DPP6: variants seen among roughly 807,000 people sequenced by gnomAD.
The protein encoded by DPP6 is A-type potassium channel modulatory protein DPP6.
A neutral mutation model predicts 122.6 loss-of-function variants in DPP6; 69 were observed. The ratio of observed to expected loss-of-function variants is 0.56; its 90% confidence interval spans 0.46 to 0.69. The LOEUF is 0.69. DPP6 is among the 30% of genes least tolerant of loss of function. DPP6 has a pLI of 0.00. For synonymous variants in DPP6, 418 were observed against 433.1 expected (o/e 0.97, Z 0.43); for missense variants, 928 against 1,116.9 (o/e 0.83, Z 2.41).
chr7:154,534,884 T>C (rs963898218), intron 3 of DPP6, among the ~76,000 whole-genome samples: 1 of 152,070 alleles, frequency 6.6e-6, no homozygotes, highest in African/African-American at 2.4e-5. Flanking sequence ...TATATTGAAA[T>C]ACAAAGGACC....
chr7:153,910,234 C>CTTTTTTCTTTTTTTTTTTTTTTTTTTTTT (rs750065238), intron 1 of DPP6, among the ~76,000 whole-genome samples: 1 of 137,750 alleles, frequency 7.3e-6, no homozygotes, highest in Non-Finnish European at 1.6e-5. Context: ...TTCTTTCTTT[C>CTTTTTTCTTTTTTTTTTTTTTTTTTTTTT]TTTTTTTTTT....
At chr7:154,078,946 CAAAAAAAAAAA>C (rs67950621) in intron 1 of DPP6, among the ~76,000 whole-genome samples, 7 of 112,592 alleles carry the variant, frequency 6.2e-5, no homozygotes, top group African/African-American at 1.3e-4. Context: ...CATTCTTTTC[CAAAAAAAAAAA>C]AAAAAAAAAA....
chr7:154,452,810 C>T (rs1211174992), intron 2 of DPP6, among the ~76,000 whole-genome samples: 1 of 152,168 alleles, frequency 6.6e-6, no homozygotes, highest in African/African-American at 2.4e-5. Flanking sequence ...GGAGTACAGT[C>T]TAATTATCAC....
chr7:154,368,794 GT>G (rs1163644320), intron 1 of DPP6, among the ~76,000 whole-genome samples: 1 of 152,192 alleles, frequency 6.6e-6, no homozygotes, highest in Non-Finnish European at 1.5e-5. Context: ...AACAAGAACA[GT>G]TTTTATATTT....
chr7:153,862,500 G>C, the DPP6 span, among the ~76,000 whole-genome samples: 1 of 152,212 alleles, frequency 6.6e-6, no homozygotes, highest in Non-Finnish European at 1.5e-5. Context: ...TGATGTTACA[G>C]AACAGCCTCA....
intron 1 of DPP6, among the ~76,000 whole-genome samples, chr7:154,262,492 G>A (rs1803093769): frequency 6.6e-6 from 1 of 152,126 alleles, no homozygotes; most frequent in Admixed American, 6.5e-5. Context: ...GCCAGGGAGA[G>A]AGGCCTCAGA....
In DPP6 at chr7:154,668,383, A is replaced by T. The variant is rs531713921; in HGVS notation, c.681-977A>T. ...CTACAGGCACCCGCCACCGCGCCCG[A>T]CTAATTTTTTATATTTTTAGTAGGG... On this transcript the variant is annotated intron_variant, in intron 6 of 25. Transcript: ENST00000377770. Among the ~76,000 whole-genome samples, 9 of 150,304 alleles carry T rather than the reference A, an allele frequency of 6.0e-5. No homozygotes were observed. In the East Asian group the frequency reaches 1.8e-3, roughly 30 times the overall value.
chr7:154,309,689 C>T lies in DPP6; in HGVS notation c.244-136525C>T, dbSNP rs76773955. 6.2e-3 allele frequency among the ~76,000 whole-genome samples: 945 copies of T among 151,916 alleles called. 13 individuals carry two copies. Among genetic ancestry groups the T allele is most frequent in the African/African-American group, 0.021 (882 of 41,394 alleles). ...ATATTAAAAGGCAATGTGAGACATCCGTATTTAAGATAAATGTGGTAACAG... is the reference window on the plus strand; with the variant it reads ...ATATTAAAAGGCAATGTGAGACATCTGTATTTAAGATAAATGTGGTAACAG... On this transcript the variant is annotated intron_variant, in intron 1 of 25. Coordinates refer to ENST00000377770, the MANE Select transcript of DPP6 (RefSeq NM_130797.4).
rs1408863926 is a variant in DPP6, at chr7:154,282,605, T to C, written c.244-163609T>C. ...GGGCCTCCCTGCCCATGGCATTTTC[T>C]CAGGAGCTGTCTCCTTTGAGTTGCT... On this transcript the variant is annotated intron_variant, in intron 1 of 25. Transcript: ENST00000377770. This position sits in a 1 kb window ranked among gnomAD's most constrained non-coding sequence, Gnocchi z 4.8. Among the ~76,000 whole-genome samples the C allele has an allele frequency of 2.0e-5, 3 of 152,228 alleles. No individual in the cohort carries two copies. Among genetic ancestry groups the C allele is most frequent in the Admixed American group, 6.5e-5 (1 of 15,284 alleles).
At chr7:153,994,726 AT>A (rs933425547) in intron 1 of DPP6, among the ~76,000 whole-genome samples, 274 of 152,166 alleles carry the variant, frequency 1.8e-3, no homozygotes, top group African/African-American at 6.1e-3. Context: ...TTGGGAAGTA[AT>A]TTTTTTTAGT....
At chr7:154,288,498 A>G (rs1804997055) in intron 1 of DPP6, among the ~76,000 whole-genome samples, 2 of 152,206 alleles carry the variant, frequency 1.3e-5, no homozygotes, top group Non-Finnish European at 2.9e-5. Context: ...TGCACATCTG[A>G]CATCTGTGTC....
At chr7:153,951,441 C>T (rs1383183485) in intron 1 of DPP6, among the ~76,000 whole-genome samples, 5 of 152,108 alleles carry the variant, frequency 3.3e-5, no homozygotes, top group South Asian at 2.1e-4. Context: ...GGAAACGCTA[C>T]GAGACTGAGG....
At chr7:154,098,838 T>C (rs1805527772) in intron 1 of DPP6, among the ~76,000 whole-genome samples, 1 of 152,160 alleles carries the variant, frequency 6.6e-6, no homozygotes, top group South Asian at 2.1e-4. Context: ...TTGATAATGA[T>C]ACTTGCACTA....
chr7:154,668,809 TA>T (rs1277791073), intron 6 of DPP6, among the ~76,000 whole-genome samples: 1 of 152,164 alleles, frequency 6.6e-6, no homozygotes, highest in African/African-American at 2.4e-5. Flanking sequence ...ATCAGTACAT[TA>T]AGGATAAAAA....
At chr7:154,504,798 T>G (rs560700454) in intron 3 of DPP6, among the ~76,000 whole-genome samples, 967 of 80,162 alleles carry the variant, frequency 0.012, 12 homozygotes, top group African/African-American at 0.047. Context: ...TATCAGGGTG[T>G]TTTTTTTTTT....
intron 9 of DPP6, among the ~76,000 whole-genome samples, chr7:154,772,525 C>G (rs1383626053): frequency 6.6e-6 from 1 of 152,198 alleles, no homozygotes; most frequent in East Asian, 1.9e-4. Context: ...TCCAATCCAT[C>G]TTTTCTCCCC....
intron 1 of DPP6, among the ~76,000 whole-genome samples, chr7:153,944,663 GGT>G (rs1491149908): frequency 1.3e-4 from 14 of 104,002 alleles, no homozygotes; most frequent in African/African-American, 3.8e-4. Flanking sequence ...TTTTTGTGTG[GGT>G]TTTTTTTTTT....
intron 8 of DPP6, among the ~76,000 whole-genome samples, chr7:154,751,663 A>G (rs1354947359): frequency 2.0e-5 from 3 of 151,872 alleles, no homozygotes; most frequent in African/African-American, 7.3e-5. Flanking sequence ...CATCTCCGTC[A>G]TCTCCTAAGT....
intron 1 of DPP6, among the ~76,000 whole-genome samples, chr7:154,021,019 G>A (rs1030186266): frequency 1.1e-4 from 17 of 152,118 alleles, no homozygotes; most frequent in African/African-American, 2.7e-4. Flanking sequence ...TGTGGGAAAC[G>A]CCAGGCAGAG....
Sources: allele counts gnomAD v4.1 joint callset (sites outside exome capture counted in the v4.1 genomes callset), GRCh38; gene constraint gnomAD v4.1.1; non-coding constraint Gnocchi (gnomAD v3.1); transcripts MANE v1.5; gene names NCBI Gene and HGNC (gene_info 2026-07-23, HGNC 2026-07-21).